Variants in CFAP97 observed in about 807,000 individuals in gnomAD.
CFAP97 encodes the protein cilia and flagella associated protein 97, also known as cilia- and flagella-associated protein 97.
Under a neutral mutation model 43.1 loss-of-function variants are expected in CFAP97, and 36 were observed. That is an observed-to-expected ratio of 0.84 (90% CI 0.64 to 1.10). CFAP97 has a LOEUF of 1.10. Ranked by LOEUF, CFAP97 falls within the 50% of genes least tolerant of loss-of-function variation. CFAP97 has a pLI of 0.00. For missense variants in CFAP97, 657 were observed against 620.3 expected (o/e 1.06, Z -0.63); for synonymous variants, 228 against 225.7 (o/e 1.01, Z -0.09).
upstream of CFAP97, among the ~76,000 whole-genome samples, chr4:185,208,998 A>G (rs928105177): frequency 2.6e-5 from 4 of 152,160 alleles, no homozygotes; most frequent in African/African-American, 9.7e-5. Context: ...AAAAAACAAA[A>G]AACAAAACAA....
At chr4:185,180,113 T>C (rs1735724095) in intron 2 of CFAP97, among the ~76,000 whole-genome samples, 1 of 152,192 alleles carries the variant, frequency 6.6e-6, no homozygotes, top group Non-Finnish European at 1.5e-5. Flanking sequence ...TTCTAGCCCT[T>C]ATTTTCATTC....
intron 1 of CFAP97, among the ~76,000 whole-genome samples, chr4:185,201,666 T>C (rs1001616411): frequency 1.6e-4 from 24 of 152,258 alleles, no homozygotes; most frequent in African/African-American, 5.5e-4. Flanking sequence ...CACGGTATAG[T>C]GTAAACATAA....
Position 185,190,268 on chromosome 4 carries a change from T to C in CFAP97, c.929A>G (p.Lys310Arg), listed in dbSNP as rs766118958. 1 of 1,612,778 alleles carries C rather than the reference T, an allele frequency of 6.2e-7. No individual in the cohort carries two copies. The highest frequency in any genetic ancestry group is 1.3e-5 in the African/African-American group (1 of 74,940). The change falls in exon 2 of 5, where the codon AAA (lysine) becomes AGA (arginine). Residue 310 changes from lysine (K) to arginine (R), a missense_variant. By Grantham distance (26) the Lys-to-Arg change is conservative (BLOSUM62 2). Coordinates refer to ENST00000458385, the MANE Select transcript of CFAP97 (RefSeq NM_020827.3). ...NNSKYLKAAK[K>R]GKEKHEPDVS... The stretch of plus-strand genomic sequence containing the variant: ...ATCAGGCTCATGTTTTTCTTTCCCT[T>C]TTTTGGCTGCTTTCAAATATTTTGA...
chr4:185,200,533 G>A (rs1293863925), intron 1 of CFAP97, among the ~76,000 whole-genome samples: 3 of 152,090 alleles, frequency 2.0e-5, no homozygotes, highest in African/African-American at 7.2e-5. Flanking sequence ...CCAGCTACTC[G>A]GGAGGCTGAG....
intron 2 of CFAP97, 72 bp downstream of exon 2, chr4:185,190,071 T>C: frequency 1.6e-6 from 2 of 1,221,468 alleles, no homozygotes; most frequent in Non-Finnish European, 2.2e-6. Flanking sequence ...TCAATGCAAA[T>C]TCATAGCATT....
At chr4:185,180,385 G>C (rs1735736841) in intron 2 of CFAP97, among the ~76,000 whole-genome samples, 1 of 152,058 alleles carries the variant, frequency 6.6e-6, no homozygotes, top group African/African-American at 2.4e-5. Context: ...TCCTTCCATT[G>C]TGTAAAACAA....
intron 3 of CFAP97, among the ~76,000 whole-genome samples, chr4:185,173,423 A>G (rs989987139): frequency 6.6e-6 from 1 of 151,860 alleles, no homozygotes. Context: ...CAAAATTACC[A>G]TATGACCCAG....
chr4:185,183,303 G>C (rs890500990), intron 2 of CFAP97, among the ~76,000 whole-genome samples: 13 of 152,192 alleles, frequency 8.5e-5, no homozygotes, highest in African/African-American at 2.4e-4. Context: ...AGGATGCAGA[G>C]AGTATGCTGC....
At chr4:185,166,222 C>T (rs1022908664) in intron 3 of CFAP97, among the ~76,000 whole-genome samples, 4 of 152,184 alleles carry the variant, frequency 2.6e-5, no homozygotes, top group Middle Eastern at 3.2e-3. Flanking sequence ...CCCATCATAT[C>T]CTCTTTCTTG....
At chr4:185,164,616 T>C (rs1734999830) in intron 3 of CFAP97, among the ~76,000 whole-genome samples, 1 of 152,164 alleles carries the variant, frequency 6.6e-6, no homozygotes, top group South Asian at 2.1e-4. Context: ...ATCTCTCTTT[T>C]CTGCATATCA....
chr4:185,190,008 G>A, intron 2 of CFAP97, 135 bp downstream of exon 2: 2 of 609,564 alleles, frequency 3.3e-6, no homozygotes, highest in East Asian at 3.0e-5. Context: ...AGAGTATTTG[G>A]TAAAGTTACT....
chr4:185,194,135 G>C (rs1736433404), intron 1 of CFAP97, among the ~76,000 whole-genome samples: 1 of 152,184 alleles, frequency 6.6e-6, no homozygotes, highest in East Asian at 1.9e-4. Flanking sequence ...GAGCTAAGTA[G>C]CTGTGATTGA....
chr4:185,179,869 A>G (rs747776634), intron 2 of CFAP97, among the ~76,000 whole-genome samples: 22 of 152,170 alleles, frequency 1.4e-4, no homozygotes, highest in Non-Finnish European at 2.4e-4. Context: ...TTGATTATCA[A>G]TGCTTCCATG....
rs1579223274 is a variant in CFAP97 at position 185,162,638 on chromosome 4, T to A, written c.*160A>T. 4.1e-6 allele frequency: 3 copies of A among 731,546 alleles called. No homozygotes were observed. Among genetic ancestry groups the A allele is most frequent in the Non-Finnish European group, 6.5e-6 (3 of 459,626 alleles). The allele number at this position is 731,546 out of a possible 1,614,324, so 45.3% of individuals were successfully genotyped here. A position where few individuals can be genotyped will look rare whatever the true frequency, so the allele number is the denominator to read the frequency against. Reference sequence around the variant, plus strand: ...ACACTTTTTACATTAAATCGTTTTTTGACAATAATTTTGCACTGAATAACA... The same window carrying A: ...ACACTTTTTACATTAAATCGTTTTTAGACAATAATTTTGCACTGAATAACA... On this transcript the variant is annotated 3_prime_UTR_variant, in exon 5 of 5. Transcript: ENST00000458385.
intron 1 of CFAP97, among the ~76,000 whole-genome samples, chr4:185,192,111 G>C (rs555889053): frequency 6.6e-6 from 1 of 152,314 alleles, no homozygotes; most frequent in South Asian, 2.1e-4. Context: ...AGTTAGGAAG[G>C]AAGAAGCAGA....
At chr4:185,210,142 C>T (rs997493726), upstream of CFAP97, 3 of 984,250 alleles carry the variant, frequency 3.0e-6, no homozygotes, top group Non-Finnish European at 3.6e-6. The surrounding 1 kb of genome is among the most constrained non-coding windows in gnomAD (Gnocchi z 4.4). Context: ...GGCCGCCTTC[C>T]TGCTGGGGAT....
At chr4:185,210,053 C>T (rs1182241509), upstream of CFAP97, 37 of 983,618 alleles carry the variant, frequency 3.8e-5, no homozygotes, top group Non-Finnish European at 4.5e-5. The surrounding 1 kb of genome is among the most constrained non-coding windows in gnomAD (Gnocchi z 4.4). Flanking sequence ...TTCCTGGGGC[C>T]CGGCAGCGGG....
intron 3 of CFAP97, among the ~76,000 whole-genome samples, chr4:185,171,211 G>A (rs1735290352): frequency 1.3e-5 from 2 of 151,764 alleles, no homozygotes; most frequent in Admixed American, 6.6e-5. Flanking sequence ...TTTAAAATTT[G>A]CTAATGAGCT....
At chr4:185,198,575 A>C (rs1188457842) in intron 1 of CFAP97, among the ~76,000 whole-genome samples, 3 of 152,094 alleles carry the variant, frequency 2.0e-5, no homozygotes, top group Admixed American at 6.5e-5. Context: ...AGATCACCTC[A>C]GGTCAGGAGT....
Sources: allele counts gnomAD v4.1 joint callset (sites outside exome capture counted in the v4.1 genomes callset), GRCh38; gene constraint gnomAD v4.1.1; non-coding constraint Gnocchi (gnomAD v3.1); transcripts MANE v1.5; gene names NCBI Gene and HGNC (gene_info 2026-07-23, HGNC 2026-07-21).